HIPK3: variants seen among roughly 807,000 people sequenced by gnomAD.
The protein encoded by HIPK3 is homeodomain-interacting protein kinase 3.
A neutral mutation model predicts 124.2 loss-of-function variants in HIPK3; 47 were observed. The observed-to-expected ratio is 0.38, with a 90% CI of 0.30 to 0.48. HIPK3 has a LOEUF of 0.48. Among genes scored for constraint, HIPK3 ranks in the 20% least tolerant of loss-of-function variants. HIPK3 has a pLI of 0.98. For synonymous variants in HIPK3, 482 were observed against 515.2 expected (o/e 0.94, Z 0.87); for missense variants, 1,286 against 1,454.3 (o/e 0.88, Z 1.88).
intron 1 of HIPK3, among the ~76,000 whole-genome samples, chr11:33,282,496 A>G (rs1304853226): frequency 6.6e-6 from 1 of 152,186 alleles, no homozygotes; most frequent in African/African-American, 2.4e-5. Flanking sequence ...AGCTTGGCCA[A>G]CATGACAAAA....
intron 2 of HIPK3, among the ~76,000 whole-genome samples, chr11:33,298,910 A>G (rs1308513131): frequency 6.6e-6 from 1 of 151,948 alleles, no homozygotes; most frequent in Non-Finnish European, 1.5e-5. Flanking sequence ...GCAGTGGTGC[A>G]ATCTTGGCTC....
chr11:33,303,788 T>C (rs1008163462), intron 2 of HIPK3, among the ~76,000 whole-genome samples: 1 of 152,198 alleles, frequency 6.6e-6, no homozygotes, highest in Non-Finnish European at 1.5e-5. Flanking sequence ...GTGGCAAGAT[T>C]GTATTACTTA....
chr11:33,348,139 A>G (rs139872013), intron 11 of HIPK3, 27 bp from the exon 12 acceptor site: 18,681 of 1,612,520 alleles, frequency 0.012, 134 homozygotes, highest in Non-Finnish European at 0.014. Context: ...TACAAACACT[A>G]AGCCAGCTCC....
In HIPK3 at chr11:33,356,799, G is replaced by GCAATATTA; in HGVS notation, c.*3237_*3244dup. The GCAATATTA allele has an allele frequency of 6.6e-6, 1 of 152,138 alleles. No individual in the cohort carries two copies. The highest frequency in any genetic ancestry group is 1.9e-4 in the East Asian group (1 of 5,180). The allele number at this position is 152,138 out of a possible 1,614,324, so 9.4% of individuals were successfully genotyped here. On this transcript the variant is annotated 3_prime_UTR_variant, in exon 17 of 17. Coordinates refer to ENST00000303296, the MANE Select transcript of HIPK3 (RefSeq NM_005734.5). ...GTTTGCCATGTAGCAATTGCACTGTGCAATATTACAATAAGGACTGGGAAA... is the reference window on the plus strand; with the variant it reads ...GTTTGCCATGTAGCAATTGCACTGTGCAATATTACAATATTACAATAAGGACTGGGAAA...
At chr11:33,349,404 C>A in intron 14 of HIPK3, 117 bp downstream of exon 14, 1 of 796,560 alleles carries the variant, frequency 1.3e-6, no homozygotes, top group Non-Finnish European at 1.9e-6. Context: ...CTATCTTGAA[C>A]ACAATTTTTG....
At chr11:33,318,211 GT>G (rs35678536) in intron 2 of HIPK3, among the ~76,000 whole-genome samples, 3 of 151,726 alleles carry the variant, frequency 2.0e-5, no homozygotes. Flanking sequence ...AAGTCCAATA[GT>G]TTTTTTTCTT....
At chr11:33,325,816 G>A (rs1416446756) in intron 2 of HIPK3, among the ~76,000 whole-genome samples, 2 of 152,026 alleles carry the variant, frequency 1.3e-5, no homozygotes, top group African/African-American at 4.8e-5. Flanking sequence ...ATTAATAACA[G>A]TGCAGCTTCC....
rs773603948 is a variant in HIPK3 at position 33,353,555 on chromosome 11, A to G, written c.3635A>G (p.Tyr1212Cys). The G allele has an allele frequency of 1.3e-6, 2 of 1,596,174 alleles. No homozygotes were observed. Among genetic ancestry groups the G allele is most frequent in the Non-Finnish European group, 1.7e-6 (2 of 1,163,640 alleles). The change falls in exon 17 of 17, where the codon TAT becomes TGT. Residue 1212 changes from tyrosine to cysteine, a missense_variant. Transcript: ENST00000303296. ...FPLSPTKLSQ[Y>C]PYM ...CTGAGTCCAACAAAACTCAGCCAGT[A>G]TCCATATATGTGAAAAACAGTATAT...
chr11:33,309,199 T>A (rs1318063931), intron 2 of HIPK3, among the ~76,000 whole-genome samples: 1 of 152,194 alleles, frequency 6.6e-6, no homozygotes, highest in African/African-American at 2.4e-5. Flanking sequence ...GGAGGTATTG[T>A]CTTTTATAGA....
intron 2 of HIPK3, among the ~76,000 whole-genome samples, chr11:33,313,784 A>G (rs1019915070): frequency 2.0e-5 from 3 of 152,202 alleles, no homozygotes; most frequent in Non-Finnish European, 2.9e-5. Context: ...GTCATTTTCT[A>G]TGTGCTCATT....
chr11:33,280,681 T>A (rs1296246386), intron 1 of HIPK3, among the ~76,000 whole-genome samples: 1 of 152,220 alleles, frequency 6.6e-6, no homozygotes, highest in Non-Finnish European at 1.5e-5. Flanking sequence ...GTTGATTGAT[T>A]GCCTTCCAGC....
intron 2 of HIPK3, among the ~76,000 whole-genome samples, chr11:33,291,877 T>C (rs1009968034): frequency 6.6e-6 from 1 of 152,218 alleles, no homozygotes; most frequent in African/African-American, 2.4e-5. Flanking sequence ...CATTAATTGC[T>C]GTTGAGTTTT....
intron 2 of HIPK3, among the ~76,000 whole-genome samples, chr11:33,307,126 A>G (rs902765382): frequency 2.0e-5 from 3 of 151,558 alleles, no homozygotes; most frequent in South Asian, 4.2e-4. Context: ...TTCAGTAGAA[A>G]TGGGGTTTTG....
chr11:33,349,342 A>G, intron 14 of HIPK3, 55 bp downstream of exon 14: 1 of 1,425,852 alleles, frequency 7.0e-7, no homozygotes, highest in Non-Finnish European at 9.6e-7. Context: ...TAAAAAGCCT[A>G]CGATTTCTTT....
intron 2 of HIPK3, among the ~76,000 whole-genome samples, chr11:33,304,347 C>T (rs1315026209): frequency 3.9e-5 from 6 of 152,262 alleles, no homozygotes; most frequent in South Asian, 4.1e-4. Flanking sequence ...CACCTGAATT[C>T]GGGACTTCGA....
chr11:33,336,990 T>C (rs1199749688), intron 3 of HIPK3, 85 bp from the exon 4 acceptor site: 6 of 932,384 alleles, frequency 6.4e-6, no homozygotes, highest in African/African-American at 1.7e-5. Flanking sequence ...TTTTCATACC[T>C]GACCTAACAT....
At position 33,351,688 on chromosome 11, in the gene HIPK3, C is replaced by T. The variant is rs760055119; in HGVS notation, c.2888C>T (p.Pro963Leu). Residue 963 changes from proline to leucine, a missense_variant, in exon 15 of 17, where the codon CCA (proline) becomes CTA (leucine). By Grantham distance (98) the Pro-to-Leu change is moderately conservative. Around this residue, in one of 3 missense-constraint regions of HIPK3, gnomAD observed 810 missense variants for 864.9 expected, o/e 0.94. Transcript: ENST00000303296. ...PTSDSSGHDS[P>L]FAESTFVEDT... The stretch of plus-strand genomic sequence containing the variant: ...TCTGACTCTTCCGGGCATGACAGTC[C>T]ATTTGCAGAGAGCACTTTTGTGGAG... The T allele has an allele frequency of 3.1e-6, 5 of 1,614,052 alleles. No homozygotes were observed. The highest frequency in any genetic ancestry group is 2.5e-6 in the Non-Finnish European group (3 of 1,180,032).
At chr11:33,277,482 T>C (rs1851303308) in intron 1 of HIPK3, among the ~76,000 whole-genome samples, 1 of 152,220 alleles carries the variant, frequency 6.6e-6, no homozygotes, top group East Asian at 1.9e-4. Context: ...ATTGGTATAT[T>C]TTCTTTTTTT....
At chr11:33,337,262 A>T (rs1853178976) in intron 4 of HIPK3, 68 bp downstream of exon 4, 1 of 845,294 alleles carries the variant, frequency 1.2e-6, no homozygotes, top group African/African-American at 1.8e-5. Context: ...CATGGATAAT[A>T]CCTTCCATGT....
Sources: gnomAD v4.1 joint callset for allele counts (sites outside exome capture counted in the v4.1 genomes callset) on GRCh38, gnomAD v4.1.1 for gene constraint, gnomAD v4.1.1 regional missense constraint, MANE v1.5 for transcripts, NCBI Gene and HGNC (gene_info 2026-07-23, HGNC 2026-07-21) for gene names.